The following MYRIP variants were observed in gnomAD, a reference collection of about 807,000 sequenced individuals.
MYRIP encodes the protein myosin VIIA and Rab interacting protein.
In MYRIP, 49 loss-of-function variants were observed where a neutral mutation model predicts 98.0. The observed-to-expected ratio is 0.50, with a 90% CI of 0.40 to 0.63. The LOEUF (loss-of-function observed/expected upper bound fraction) is 0.63. Ranked by LOEUF, MYRIP falls within the 30% of genes least tolerant of loss-of-function variation. The pLI is 0.00. For missense variants in MYRIP, 1,004 were observed against 1,058.2 expected (o/e 0.95, Z 0.71); for synonymous variants, 404 against 409.5 (o/e 0.99, Z 0.16).
chr3:39,861,977 A>G (rs1192905293), intron 1 of MYRIP, among the ~76,000 whole-genome samples: 1 of 152,198 alleles, frequency 6.6e-6, no homozygotes, highest in Non-Finnish European at 1.5e-5. Flanking sequence ...ATTCAAATTA[A>G]TGAAATGCAG....
At position 40,043,937 on chromosome 3, in the gene MYRIP, C is replaced by G. The variant is rs1947606210; in HGVS notation, c.111-113C>G. ...AGTTCTCTTGTTCTCCAGGAAGGTC[C>G]TACATGGTAGCTTGGCCTAAGGGAG... is the stretch of plus-strand genomic sequence containing the variant. On this transcript the variant is annotated intron_variant, in intron 2 of 16. Transcript: ENST00000302541. 13 of 879,556 alleles carry G rather than the reference C, an allele frequency of 1.5e-5. No individual in the cohort carries two copies. In the East Asian group the frequency reaches 3.4e-4, roughly 23 times the overall value. 54.5% of individuals were successfully genotyped at this position (879,556 alleles called of 1,614,324 possible).
intron 11 of MYRIP, among the ~76,000 whole-genome samples, chr3:40,229,062 G>A (rs996865379): frequency 1.4e-4 from 21 of 152,162 alleles, no homozygotes; most frequent in African/African-American, 5.1e-4. Flanking sequence ...ATGACACTGG[G>A]AAAATCTCAG....
chr3:39,933,206 C>T (rs1251383032), intron 2 of MYRIP, among the ~76,000 whole-genome samples: 2 of 152,176 alleles, frequency 1.3e-5, no homozygotes, highest in East Asian at 1.9e-4. Context: ...TCTGGACTAC[C>T]ACCTGTTTTT....
chr3:39,863,607 G>A (rs756141210), intron 1 of MYRIP, among the ~76,000 whole-genome samples: 1 of 152,110 alleles, frequency 6.6e-6, no homozygotes, highest in African/African-American at 2.4e-5. Flanking sequence ...TCCCAAGATT[G>A]AACCAGGAAG....
chr3:39,842,350 T>C (rs1941829668), intron 1 of MYRIP, among the ~76,000 whole-genome samples: 1 of 152,196 alleles, frequency 6.6e-6, no homozygotes, highest in South Asian at 2.1e-4. Flanking sequence ...CAGACTGCCG[T>C]GCTGGCAGCG....
chr3:39,978,780 G>A (rs1012238877), intron 2 of MYRIP, among the ~76,000 whole-genome samples: 2 of 151,584 alleles, frequency 1.3e-5, no homozygotes, highest in Non-Finnish European at 2.9e-5. Flanking sequence ...TTGTTTGCAC[G>A]GAAAGTGCTA....
chr3:40,103,330 C>T (rs927020432), intron 3 of MYRIP, among the ~76,000 whole-genome samples: 2 of 152,246 alleles, frequency 1.3e-5, no homozygotes, highest in African/African-American at 4.8e-5. Flanking sequence ...CCCAAGAACT[C>T]TCATACATAC....
chr3:40,210,821 A>T (rs184152389), intron 11 of MYRIP, among the ~76,000 whole-genome samples: 3 of 152,152 alleles, frequency 2.0e-5, no homozygotes, highest in African/African-American at 7.2e-5. Context: ...AAAGAATCCC[A>T]CACTCCCTCC....
chr3:39,883,915 G>C (rs564143254), intron 1 of MYRIP, among the ~76,000 whole-genome samples: 1 of 152,118 alleles, frequency 6.6e-6, no homozygotes, highest in African/African-American at 2.4e-5. Flanking sequence ...GTTATTATTC[G>C]AAGACAAGGT....
chr3:39,921,990 C>G (rs1009797316), intron 2 of MYRIP, among the ~76,000 whole-genome samples: 4 of 151,550 alleles, frequency 2.6e-5, no homozygotes, highest in African/African-American at 4.9e-5. Flanking sequence ...AACTAAAAAC[C>G]CTGGGGGCTC....
intron 1 of MYRIP, among the ~76,000 whole-genome samples, chr3:39,865,862 C>T (rs1005478244): frequency 1.3e-5 from 2 of 152,112 alleles, no homozygotes; most frequent in South Asian, 2.1e-4. Context: ...TATAAAGACA[C>T]GTACAGGCAT....
rs77641051 is a variant in MYRIP, at chr3:40,065,099, T to C, written c.332+20828T>C. ...GGTGCAGGCAGGGCCATGCTCTCTC[T>C]GAAGTCTGTAAGAGGAATCATCCTT... On this transcript the variant is annotated intron_variant, in intron 3 of 16. Coordinates refer to ENST00000302541, the MANE Select transcript of MYRIP (RefSeq NM_015460.4). 1.7e-3 allele frequency among the ~76,000 whole-genome samples: 257 copies of C among 152,320 alleles called. 4 individuals are homozygous for C. The East Asian group carries it at 0.039, about 23-fold the overall frequency.
At chr3:39,858,584 T>G (rs969812511) in intron 1 of MYRIP, among the ~76,000 whole-genome samples, 4 of 137,850 alleles carry the variant, frequency 2.9e-5, no homozygotes, top group Admixed American at 2.9e-4. Context: ...AGAAGCAAAA[T>G]AGACATTCTT....
At chr3:40,056,934 G>A (rs1413931023) in intron 3 of MYRIP, among the ~76,000 whole-genome samples, 1 of 152,156 alleles carries the variant, frequency 6.6e-6, no homozygotes, top group Non-Finnish European at 1.5e-5. Flanking sequence ...ATCCCTTGGA[G>A]TTGTTGTGAG....
intron 2 of MYRIP, among the ~76,000 whole-genome samples, chr3:40,005,449 A>G (rs969719174): frequency 1.3e-5 from 2 of 152,266 alleles, no homozygotes; most frequent in African/African-American, 2.4e-5. Flanking sequence ...CTCTGGCTTT[A>G]TTGGCCATTA....
intron 2 of MYRIP, among the ~76,000 whole-genome samples, chr3:39,953,321 G>C (rs1013356608): frequency 1.3e-5 from 2 of 152,012 alleles, no homozygotes; most frequent in East Asian, 3.9e-4. Context: ...CTGTTTCCAG[G>C]GTCTTGAAAT....
In MYRIP at chr3:40,044,196, T is replaced by C; in HGVS notation, c.257T>C (p.Phe86Ser). The change falls in exon 3 of 17, where the codon TTC becomes TCC. Residue 86 changes from phenylalanine to serine, a missense_variant. Transcript: ENST00000302541. Reference sequence around the variant, plus strand: ...AAGCGCCAGTGTGGAGATTGCAAATTCAATGTCTGCAAGAGCTGCTGCTCC... The same window carrying C: ...AAGCGCCAGTGTGGAGATTGCAAATCCAATGTCTGCAAGAGCTGCTGCTCC... ...NTKRQCGDCK[F>S]NVCKSCCSYQ... 6.2e-7 allele frequency: 1 copy of C among 1,614,150 alleles called. No homozygotes were observed. The highest frequency in any genetic ancestry group is 8.5e-7 in the Non-Finnish European group (1 of 1,180,018).
chr3:40,256,341 A>C (rs553449179), intron 16 of MYRIP, among the ~76,000 whole-genome samples: 46 of 152,224 alleles, frequency 3.0e-4, no homozygotes, highest in African/African-American at 1.1e-3. Context: ...ACTTACTTAC[A>C]AAATGAAAAC....
chr3:39,956,687 A>C (rs1460942509), intron 2 of MYRIP, among the ~76,000 whole-genome samples: 1 of 151,942 alleles, frequency 6.6e-6, no homozygotes, highest in Non-Finnish European at 1.5e-5. Context: ...TCAGAGCAGA[A>C]CTGAAGGAAA....
Sources: allele counts gnomAD v4.1 joint callset (sites outside exome capture counted in the v4.1 genomes callset), GRCh38; gene constraint gnomAD v4.1.1; transcripts MANE v1.5; gene names NCBI Gene and HGNC (gene_info 2026-07-23, HGNC 2026-07-21).